The following SLC37A3 variants were observed in gnomAD, a reference collection of about 807,000 sequenced individuals.
SLC37A3 encodes sugar phosphate exchanger 3.
SLC37A3 carries 51 observed loss-of-function variants against 67.1 expected under a neutral mutation model. The ratio of observed to expected loss-of-function variants is 0.76; its 90% CI spans 0.61 to 0.96. The LOEUF is 0.96. Ranked by LOEUF, SLC37A3 falls within the 40% of genes least tolerant of loss-of-function variation. SLC37A3 has a pLI of 0.00. For missense variants in SLC37A3, 508 were observed against 603.0 expected (o/e 0.84, Z 1.65); for synonymous variants, 214 against 231.4 (o/e 0.92, Z 0.68).
At chr7:140,367,368 G>A (rs573162862) in intron 4 of SLC37A3, among the ~76,000 whole-genome samples, 18 of 146,966 alleles carry the variant, frequency 1.2e-4, no homozygotes, top group Non-Finnish European at 1.1e-4. Context: ...ACTAGGAGGC[G>A]GAGGTTGCAG....
intron 1 of SLC37A3, among the ~76,000 whole-genome samples, chr7:140,393,522 T>C (rs1003959898): frequency 1.3e-5 from 2 of 152,190 alleles, no homozygotes; most frequent in East Asian, 1.9e-4. Context: ...CTCCTGTCCC[T>C]GAACCCATCA....
chr7:140,391,336 C>T (rs1213069543), intron 1 of SLC37A3, among the ~76,000 whole-genome samples: 1 of 152,232 alleles, frequency 6.6e-6, no homozygotes, highest in East Asian at 1.9e-4. Context: ...AGGAAGATCA[C>T]TTGAGATCAG....
chr7:140,352,572 A>G (rs1488095145), intron 7 of SLC37A3, among the ~76,000 whole-genome samples: 1 of 152,206 alleles, frequency 6.6e-6, no homozygotes, highest in Non-Finnish European at 1.5e-5. Context: ...AGAAGGCCCA[A>G]TCCTACTGAG....
chr7:140,390,976 T>C (rs1798705213), intron 1 of SLC37A3, among the ~76,000 whole-genome samples: 1 of 152,124 alleles, frequency 6.6e-6, no homozygotes. Context: ...CAGCTGAGTT[T>C]TGCCACAGAA....
intron 13 of SLC37A3, among the ~76,000 whole-genome samples, chr7:140,341,438 G>A (rs1188319715): frequency 6.6e-6 from 1 of 152,090 alleles, no homozygotes; most frequent in Admixed American, 6.6e-5. Flanking sequence ...CAACTGCTAT[G>A]GCAACCTGAA....
At chr7:140,341,400 G>A (rs915960433) in intron 13 of SLC37A3, among the ~76,000 whole-genome samples, 7 of 152,084 alleles carry the variant, frequency 4.6e-5, no homozygotes, top group African/African-American at 1.7e-4. Context: ...CCTTTACACC[G>A]TGACAGGTGC....
chr7:140,350,865 G>A (rs925778542), intron 9 of SLC37A3, among the ~76,000 whole-genome samples: 7 of 152,056 alleles, frequency 4.6e-5, no homozygotes, highest in Admixed American at 1.3e-4. Flanking sequence ...ATAATACTTC[G>A]AAAGGCCCAA....
At chr7:140,396,882 G>GTTTTTTTTTTTT (rs199685905) in intron 1 of SLC37A3, among the ~76,000 whole-genome samples, 1 of 100,866 alleles carries the variant, frequency 9.9e-6, no homozygotes, top group Non-Finnish European at 1.9e-5. Flanking sequence ...CTCAATTTCT[G>GTTTTTTTTTTTT]TTTTTTTTTT....
At chr7:140,349,697 T>G (rs1053094818) in intron 9 of SLC37A3, among the ~76,000 whole-genome samples, 1 of 152,270 alleles carries the variant, frequency 6.6e-6, no homozygotes, top group East Asian at 1.9e-4. Flanking sequence ...CACGAGTGCA[T>G]TCTGACCAGA....
intron 1 of SLC37A3, among the ~76,000 whole-genome samples, chr7:140,394,196 AATG>A (rs943149450): frequency 2.5e-4 from 38 of 151,698 alleles, no homozygotes; most frequent in African/African-American, 8.5e-4. Flanking sequence ...TTTTTGAATC[AATG>A]AATTGGTTGA....
intron 4 of SLC37A3, among the ~76,000 whole-genome samples, chr7:140,364,962 C>T (rs1047119038): frequency 2.9e-4 from 44 of 152,314 alleles, no homozygotes; most frequent in African/African-American, 9.4e-4. Flanking sequence ...TCTGGGTTAA[C>T]GTGTTACCAC....
Position 140,347,097 on chromosome 7 carries a change from C to G in SLC37A3, c.1025-1127G>C, listed in dbSNP as rs139810427. 1.5e-3 allele frequency among the ~76,000 whole-genome samples: 231 copies of G among 151,294 alleles called. 1 individual carries two copies. Among genetic ancestry groups the G allele is most frequent in the Middle Eastern group, 0.01 (3 of 294 alleles). ...GCAATACAGTGAAATGCCATCTCTA[C>G]AAAAAATACAAAAAAATTAGCTGGG... On this transcript the variant is annotated intron_variant, in intron 10 of 14. Transcript: ENST00000326232.
In SLC37A3 at chr7:140,337,299, G is replaced by A. The variant is rs115279743; in HGVS notation, c.1377C>T (p.Tyr459=). 5.1e-4 allele frequency: 806 copies of A among 1,595,718 alleles called. 3 individuals carry two copies. The African/African-American group carries it at 0.01, about 20-fold the overall frequency. The change falls in exon 14 of 15, where the codon TAC becomes TAT. Residue 459 remains tyrosine (Y), a synonymous_variant. Transcript: ENST00000326232. ...RDKLGWMWVF[Y]FFILMTSCTI... ...ACACACTTACCATGAGAATGAAAAA[G>A]TAGAAAACCCACATCCATCCTAGCT...
At chr7:140,345,087 C>G in intron 12 of SLC37A3, 129 bp downstream of exon 12, 301 of 726,294 alleles carry the variant, frequency 4.1e-4, no homozygotes, top group East Asian at 3.2e-4. Context: ...AGGCGTTTTT[C>G]CTTTTAAAAT....
chr7:140,347,916 AC>A (rs1340481157), intron 10 of SLC37A3, among the ~76,000 whole-genome samples: 1 of 152,094 alleles, frequency 6.6e-6, no homozygotes, highest in East Asian at 1.9e-4. Context: ...ATGTTCCATG[AC>A]CCCCGTGGAT....
In SLC37A3 at chr7:140,344,939, T is replaced by A. The variant is rs73472765; in HGVS notation, c.1174+277A>T. Among the ~76,000 whole-genome samples, 1,030 of 152,198 alleles carry A rather than the reference T, an allele frequency of 6.8e-3. 10 individuals are homozygous for A. The highest frequency in any genetic ancestry group is 0.024 in the African/African-American group (976 of 41,522). Reference sequence around the variant, plus strand: ...GTCTCCCATGTGGCATTTTTCTAAGTCACTTTTAGAGGTAAGAGCAGAAGC... The same window carrying A: ...GTCTCCCATGTGGCATTTTTCTAAGACACTTTTAGAGGTAAGAGCAGAAGC... On this transcript the variant is annotated intron_variant, in intron 12 of 14. Transcript: ENST00000326232.
chr7:140,386,430 A>T (rs1315035448), intron 1 of SLC37A3, among the ~76,000 whole-genome samples: 2 of 145,510 alleles, frequency 1.4e-5, no homozygotes, highest in African/African-American at 5.1e-5. Context: ...ATACTACGAC[A>T]TTTGGTCCTA....
intron 4 of SLC37A3, among the ~76,000 whole-genome samples, chr7:140,366,591 A>C (rs1179258535): frequency 6.6e-6 from 1 of 152,208 alleles, no homozygotes; most frequent in Non-Finnish European, 1.5e-5. Context: ...AAAAAAGGTT[A>C]AATTCTACTT....
At chr7:140,349,947 A>G (rs1247343327) in intron 9 of SLC37A3, among the ~76,000 whole-genome samples, 1 of 152,224 alleles carries the variant, frequency 6.6e-6, no homozygotes, top group Non-Finnish European at 1.5e-5. Context: ...CTCTTATATC[A>G]TATATCATCA....
Sources: allele counts gnomAD v4.1 joint callset (sites outside exome capture counted in the v4.1 genomes callset), GRCh38; gene constraint gnomAD v4.1.1; transcripts MANE v1.5; gene names NCBI Gene and HGNC (gene_info 2026-07-23, HGNC 2026-07-21).